TUFT1: variants seen among roughly 807,000 people sequenced by gnomAD.
TUFT1 encodes tuftelin.
TUFT1 carries 43 observed loss-of-function variants against 57.8 expected under a neutral mutation model. That is an observed-to-expected ratio of 0.74 (90% CI 0.58 to 0.96). TUFT1 has a LOEUF of 0.96. TUFT1 is among the 40% of genes least tolerant of loss of function. The pLI is 0.00. For synonymous variants in TUFT1, 166 were observed against 176.7 expected (o/e 0.94, Z 0.48); for missense variants, 459 against 489.0 (o/e 0.94, Z 0.58).
chr1:151,571,450 C>G (rs918110706), intron 7 of TUFT1, among the ~76,000 whole-genome samples: 11 of 152,070 alleles, frequency 7.2e-5, no homozygotes, highest in South Asian at 4.2e-4. Context: ...TCTTAGCAAT[C>G]AGTTTAACAA....
chr1:151,571,580 T>C (rs574395914), intron 7 of TUFT1, among the ~76,000 whole-genome samples: 50 of 152,222 alleles, frequency 3.3e-4, no homozygotes, highest in Non-Finnish European at 6.3e-4. Flanking sequence ...TTCCACAATT[T>C]GTATAATTTA....
At chr1:151,554,695 C>CCTTTTTTTTTTTTTTTTTTTTTTT (rs1553249393) in intron 1 of TUFT1, among the ~76,000 whole-genome samples, 1 of 85,652 alleles carries the variant, frequency 1.2e-5, no homozygotes. Flanking sequence ...GCCCGGCCCC[C>CCTTTTTTTTTTTTTTTTTTTTTTT]TTTTTTTTTT....
At chr1:151,578,910 T>C (rs1190213681) in intron 10 of TUFT1, 84 bp downstream of exon 10, 5 of 1,078,468 alleles carry the variant, frequency 4.6e-6, no homozygotes, top group African/African-American at 1.6e-5. Flanking sequence ...GCTTGACTTA[T>C]ATTCATGCAT....
chr1:151,560,780 T>C (rs1343769499), intron 1 of TUFT1, among the ~76,000 whole-genome samples: 1 of 152,206 alleles, frequency 6.6e-6, no homozygotes, highest in African/African-American at 2.4e-5. Flanking sequence ...ATTTTTCCAG[T>C]GGGAACCAGA....
rs1385740993 is a variant in TUFT1 at position 151,564,004 on chromosome 1, ACCT to A, written c.324+16_324+18del. On this transcript the variant is annotated intron_variant, in intron 4 of 12. Transcript: ENST00000368849. Reference sequence around the variant, plus strand: ...TACATCCAGGAGGTGGGCACCCCTTACCTCTCACGCAGTGCCTAGGTCATTTCT... The same window carrying A: ...TACATCCAGGAGGTGGGCACCCCTTACTCACGCAGTGCCTAGGTCATTTCT... 6.2e-7 allele frequency: 1 copy of A among 1,604,508 alleles called. No individual in the cohort carries two copies. The highest frequency in any genetic ancestry group is 1.3e-5 in the African/African-American group (1 of 74,630).
intron 6 of TUFT1, among the ~76,000 whole-genome samples, chr1:151,567,490 TC>T (rs1666121928): frequency 6.6e-6 from 1 of 152,164 alleles, no homozygotes; most frequent in Admixed American, 6.5e-5. Context: ...CACCTCGGCC[TC>T]CCAAAGTTTT....
chr1:151,563,724 A>G (rs1367520262), intron 3 of TUFT1, among the ~76,000 whole-genome samples, 180 bp from the exon 4 acceptor site: 1 of 152,230 alleles, frequency 6.6e-6, no homozygotes, highest in Non-Finnish European at 1.5e-5. Flanking sequence ...AATTTCCAGA[A>G]GTAGAACTGA....
intron 1 of TUFT1, among the ~76,000 whole-genome samples, chr1:151,546,117 T>G (rs1044933103): frequency 3.9e-5 from 6 of 152,000 alleles, no homozygotes; most frequent in African/African-American, 1.2e-4. Context: ...CCTCTCTCTC[T>G]TTTTCTTTTT....
At chr1:151,568,949 A>G (rs983113694) in intron 6 of TUFT1, among the ~76,000 whole-genome samples, 2 of 152,160 alleles carry the variant, frequency 1.3e-5, no homozygotes, top group Non-Finnish European at 2.9e-5. Context: ...GATGATGCAG[A>G]GACTGGGACA....
intron 1 of TUFT1, chr1:151,557,795 A>G: frequency 1.3e-6 from 1 of 759,414 alleles, no homozygotes; most frequent in South Asian, 1.3e-5. Context: ...CAAGACTCAC[A>G]AGAGGGAAAG....
chr1:151,564,215 C>T (rs916956947), intron 4 of TUFT1, among the ~76,000 whole-genome samples: 11 of 152,174 alleles, frequency 7.2e-5, no homozygotes, highest in Admixed American at 5.9e-4. Context: ...GTCCCAGCCA[C>T]CTATCGAAAA....
chr1:151,557,855 G>A (rs1185431077), intron 1 of TUFT1: 13 of 739,862 alleles, frequency 1.8e-5, no homozygotes, highest in Non-Finnish European at 2.7e-5. Flanking sequence ...GGTGCCGACA[G>A]CAAAGCTGAG....
At chr1:151,542,578 A>G (rs1045426115) in intron 1 of TUFT1, among the ~76,000 whole-genome samples, 2 of 152,122 alleles carry the variant, frequency 1.3e-5, no homozygotes, top group Non-Finnish European at 2.9e-5. Context: ...GGTGGGGCAG[A>G]AAAAATTACT....
chr1:151,549,261 A>G (rs1198632461), intron 1 of TUFT1, among the ~76,000 whole-genome samples: 2 of 152,194 alleles, frequency 1.3e-5, no homozygotes, highest in Non-Finnish European at 2.9e-5. Context: ...GAGCCTGCTC[A>G]TAGTCCTGAG....
At chr1:151,574,026 G>C (rs1666357469) in intron 7 of TUFT1, among the ~76,000 whole-genome samples, 2 of 152,222 alleles carry the variant, frequency 1.3e-5, no homozygotes, top group African/African-American at 2.4e-5. Context: ...GTGGGTTCCA[G>C]GTGTCACTTT....
chr1:151,574,767 C>T (rs879866166), intron 8 of TUFT1, 144 bp from the exon 9 acceptor site: 2 of 711,732 alleles, frequency 2.8e-6, no homozygotes, highest in Non-Finnish European at 4.7e-6. Context: ...GGGATGGCTC[C>T]CCATCAAACC....
intron 2 of TUFT1, among the ~76,000 whole-genome samples, 169 bp downstream of exon 2, chr1:151,562,334 G>A (rs140131464): frequency 5.8e-4 from 89 of 152,334 alleles, no homozygotes; most frequent in Admixed American, 1.2e-3. Context: ...TTTGGGGCAG[G>A]AGGAGTCCCC....
chr1:151,564,803 C>G (rs972682855), intron 5 of TUFT1, 189 bp downstream of exon 5: 1 of 524,698 alleles, frequency 1.9e-6, no homozygotes. Context: ...TGAGCACTTA[C>G]ATTTACACAT....
intron 1 of TUFT1, among the ~76,000 whole-genome samples, chr1:151,555,121 A>C (rs928496610): frequency 6.7e-6 from 1 of 149,096 alleles, no homozygotes; most frequent in Non-Finnish European, 1.5e-5. Context: ...TGAGGTCAGG[A>C]GTTCAAGACC....
Sources: allele counts gnomAD v4.1 joint callset (sites outside exome capture counted in the v4.1 genomes callset), GRCh38; gene constraint gnomAD v4.1.1; transcripts MANE v1.5; gene names NCBI Gene and HGNC (gene_info 2026-07-23, HGNC 2026-07-21).